COL27A1: variants seen among roughly 807,000 people sequenced by gnomAD.
COL27A1 encodes the protein collagen type XXVII alpha 1 chain, also known as collagen alpha-1(XXVII) chain.
A neutral mutation model predicts 251.3 loss-of-function variants in COL27A1; 106 were observed. The observed-to-expected ratio is 0.42, with a 90% confidence interval of 0.36 to 0.50. COL27A1 has a LOEUF of 0.50. COL27A1 is among the 20% of genes least tolerant of loss of function. The probability of loss-of-function intolerance (pLI) is 0.00; values close to 1 mark genes in which losing one functional copy is unlikely to be tolerated. For synonymous variants in COL27A1, 1,000 were observed against 986.3 expected, an observed-to-expected ratio of 1.01 and a Z score of -0.26; for missense variants, 2,325 against 2,522.8, an observed-to-expected ratio of 0.92 and a Z score of 1.68.
At chr9:114,258,687 CT>C in intron 28 of COL27A1, 93 bp downstream of exon 28, 2 of 1,296,622 alleles carry the variant, frequency 1.5e-6, no homozygotes, top group South Asian at 2.5e-5. Context: ...GGCTTTGCCC[CT>C]AGCCCAGCTC....
At chr9:114,268,892 C>G (rs1010099559) in intron 34 of COL27A1, 2 of 200,322 alleles carry the variant, frequency 1.0e-5, no homozygotes, top group Non-Finnish European at 2.0e-5. Flanking sequence ...GCTGTGATTA[C>G]CCCACTGCAC....
Position 114,237,700 on chromosome 9 carries a change from G to C in COL27A1, c.2712G>C (p.Gly904=), listed in dbSNP as rs761727886. 1 of 1,614,040 alleles carries C rather than the reference G, an allele frequency of 6.2e-7. No homozygotes were observed. Among genetic ancestry groups the C allele is most frequent in the East Asian group, 2.2e-5 (1 of 44,870 alleles). Residue 904 remains glycine, a synonymous_variant, in exon 19 of 61, where the codon GGG becomes GGC. Coordinates refer to ENST00000356083, the MANE Select transcript of COL27A1 (RefSeq NM_032888.4). ...ACAAAGGATCCATTGGGTTTCCCGGGCCCCCTGGACCCGAGGTATGTGATG... is the reference window on the plus strand; with the variant it reads ...ACAAAGGATCCATTGGGTTTCCCGGCCCCCCTGGACCCGAGGTATGTGATG... ...VGDKGSIGFP[G]PPGPEGFPGD...
chr9:114,258,048 T>C (rs555186946), intron 27 of COL27A1, among the ~76,000 whole-genome samples: 1 of 152,086 alleles, frequency 6.6e-6, no homozygotes, highest in East Asian at 1.9e-4. Context: ...AATAAGAAAA[T>C]TAGCTGGGCA....
intron 10 of COL27A1, among the ~76,000 whole-genome samples, chr9:114,208,703 A>T (rs1564470370): frequency 6.6e-6 from 1 of 152,170 alleles, no homozygotes; most frequent in Non-Finnish European, 1.5e-5. Flanking sequence ...GTGAAGCATG[A>T]ACACAAATAA....
At position 114,167,886 on chromosome 9, in the gene COL27A1, C is replaced by T. The variant is rs781648277; in HGVS notation, c.331C>T (p.His111Tyr). 2 of 1,613,202 alleles carry T rather than the reference C, an allele frequency of 1.2e-6. No individual in the cohort carries two copies. Among genetic ancestry groups the T allele is most frequent in the African/African-American group, 2.7e-5 (2 of 74,942 alleles). The change falls in exon 3 of 61, where the codon CAT (histidine) becomes TAT (tyrosine). Residue 111 changes from histidine to tyrosine, a missense_variant. His to Tyr is a moderately conservative substitution (Grantham distance 83, BLOSUM62 2). Transcript: ENST00000356083. ...GAGCCTCTGCTCCCACCGGGTGAAC[C>T]ATGCCTTCCTCTTCGCTGTCCGCAG... ...VLSLCSHRVN[H>Y]AFLFAVRSQK...
rs1292191290 is a variant in COL27A1, at chr9:114,288,768, G to T, written c.4098+13G>T. 1.2e-6 allele frequency: 2 copies of T among 1,608,538 alleles called. No homozygotes were observed. The highest frequency in any genetic ancestry group is 1.7e-6 in the Non-Finnish European group (2 of 1,175,770). On this transcript the variant is annotated intron_variant, in intron 43 of 60. Transcript: ENST00000356083. ...CCCTGGGTACCCTGTAAGTATCAGA[G>T]CTCCTACCTGCTGGCAGGATCGGGC...
chr9:114,248,784 C>T (rs1441653561), intron 24 of COL27A1, among the ~76,000 whole-genome samples: 1 of 152,198 alleles, frequency 6.6e-6, no homozygotes, highest in Non-Finnish European at 1.5e-5. Context: ...GCTTGCCTTC[C>T]AGGACCCAAC....
intron 5 of COL27A1, among the ~76,000 whole-genome samples, chr9:114,188,884 G>T (rs1231052419): frequency 6.6e-6 from 1 of 151,956 alleles, no homozygotes; most frequent in Non-Finnish European, 1.5e-5. Flanking sequence ...CTTATGAGTG[G>T]GTTTATTTTG....
At position 114,309,590 on chromosome 9, in the gene COL27A1, T is replaced by C. The variant is rs1829307670; in HGVS notation, c.5436+112T>C. 6 of 746,838 alleles carry C rather than the reference T, an allele frequency of 8.0e-6. No individual in the cohort carries two copies. In the South Asian group the frequency reaches 1.2e-4, roughly 15 times the overall value. 46.3% of individuals were successfully genotyped at this position (746,838 alleles called of 1,614,324 possible). A position where few individuals can be genotyped will look rare whatever the true frequency, so the allele number is the denominator to read the frequency against. Reference sequence around the variant, plus strand: ...TATATCTAACATTTTAATAGTATACTATATTAATGTGATAGATATGATTTC... The same window carrying C: ...TATATCTAACATTTTAATAGTATACCATATTAATGTGATAGATATGATTTC... On this transcript the variant is annotated intron_variant, in intron 60 of 60. Coordinates refer to ENST00000356083, the MANE Select transcript of COL27A1 (RefSeq NM_032888.4).
intron 49 of COL27A1, among the ~76,000 whole-genome samples, chr9:114,296,924 T>C (rs1034845829): frequency 6.6e-6 from 1 of 152,186 alleles, no homozygotes; most frequent in Non-Finnish European, 1.5e-5. Flanking sequence ...TCAAAATAAT[T>C]AGGCTGAGTG....
At chr9:114,304,153 C>A (rs1036006317) in intron 56 of COL27A1, among the ~76,000 whole-genome samples, 2 of 152,222 alleles carry the variant, frequency 1.3e-5, no homozygotes, top group African/African-American at 4.8e-5. Flanking sequence ...GTCGCCTCTC[C>A]TTGAGAACCA....
intron 3 of COL27A1, among the ~76,000 whole-genome samples, chr9:114,178,007 A>G (rs1482375878): frequency 6.6e-6 from 1 of 152,218 alleles, no homozygotes; most frequent in African/African-American, 2.4e-5. Context: ...ATAGAGGAAA[A>G]GAAGGGACTT....
chr9:114,173,409 G>A (rs1300237982), intron 3 of COL27A1, among the ~76,000 whole-genome samples: 2 of 152,234 alleles, frequency 1.3e-5, no homozygotes, highest in African/African-American at 4.8e-5. Flanking sequence ...ACTCCCAGGC[G>A]GGGTTCCTTG....
At chr9:114,195,285 A>G (rs1367308414) in intron 6 of COL27A1, among the ~76,000 whole-genome samples, 1 of 152,086 alleles carries the variant, frequency 6.6e-6, no homozygotes, top group Non-Finnish European at 1.5e-5. Context: ...TCACATCCTC[A>G]CTGCTAGGTG....
intron 14 of COL27A1, among the ~76,000 whole-genome samples, chr9:114,228,575 G>C (rs1050397928): frequency 3.3e-5 from 5 of 152,218 alleles, no homozygotes; most frequent in Non-Finnish European, 7.3e-5. Context: ...GTGAATCCCA[G>C]CGGTGCCCCG....
intron 19 of COL27A1, 36 bp downstream of exon 19, chr9:114,237,751 G>A (rs1284209705): frequency 3.8e-6 from 6 of 1,578,790 alleles, no homozygotes; most frequent in South Asian, 1.1e-5. Context: ...TCTGGCTGCT[G>A]CTGGGACTCG....
intron 5 of COL27A1, 106 bp downstream of exon 5, chr9:114,183,181 G>A (rs1434768551): frequency 3.7e-6 from 4 of 1,067,110 alleles, no homozygotes; most frequent in Admixed American, 1.9e-5. Context: ...GGGAACTGAG[G>A]GGGATTCCCG....
intron 7 of COL27A1, among the ~76,000 whole-genome samples, chr9:114,199,601 G>A (rs1829431174): frequency 6.6e-6 from 1 of 152,152 alleles, no homozygotes; most frequent in Non-Finnish European, 1.5e-5. Context: ...TGTTCTTAGA[G>A]AAGAATAGCA....
At chr9:114,182,222 A>G (rs960348820) in intron 4 of COL27A1, among the ~76,000 whole-genome samples, 3 of 149,694 alleles carry the variant, frequency 2.0e-5, no homozygotes, top group African/African-American at 7.3e-5. Flanking sequence ...AAAAATAATA[A>G]TAAAATAATA....
Sources: allele counts gnomAD v4.1 joint callset (sites outside exome capture counted in the v4.1 genomes callset), GRCh38; gene constraint gnomAD v4.1.1; transcripts MANE v1.5; gene names NCBI Gene and HGNC (gene_info 2026-07-23, HGNC 2026-07-21).